The following VSIR variants were observed in gnomAD, a reference collection of about 807,000 sequenced individuals.
The protein encoded by VSIR is V-type immunoglobulin domain-containing suppressor of T-cell activation.
VSIR carries 10 observed loss-of-function variants against 31.0 expected under a neutral mutation model. The ratio of observed to expected loss-of-function variants is 0.32; its 90% CI spans 0.20 to 0.55. VSIR has a LOEUF of 0.55. Ranked by LOEUF, VSIR falls within the 20% of genes least tolerant of loss-of-function variation. The pLI is 0.93. For missense variants in VSIR, 356 were observed against 416.2 expected (o/e 0.86, Z 1.26); for synonymous variants, 179 against 180.1 (o/e 0.99, Z 0.05).
chr10:71,756,164 C>A (rs929012244), intron 3 of VSIR, among the ~76,000 whole-genome samples: 1 of 152,060 alleles, frequency 6.6e-6, no homozygotes, highest in African/African-American at 2.4e-5. Flanking sequence ...AAAAAAAGTA[C>A]AAGTTTAAAA....
At chr10:71,762,362 G>A (rs925178187) in intron 1 of VSIR, among the ~76,000 whole-genome samples, 2 of 152,224 alleles carry the variant, frequency 1.3e-5, no homozygotes, top group South Asian at 4.1e-4. Flanking sequence ...TTGGGGAGCA[G>A]GAAGGCTGTT....
chr10:71,768,038 C>T (rs977092746), intron 1 of VSIR, among the ~76,000 whole-genome samples: 1 of 152,212 alleles, frequency 6.6e-6, no homozygotes, highest in African/African-American at 2.4e-5. Context: ...GCTCCCGGCT[C>T]CAGCCAGCCA....
chr10:71,758,534 C>T (rs1021953134), intron 3 of VSIR, among the ~76,000 whole-genome samples: 1 of 152,206 alleles, frequency 6.6e-6, no homozygotes, highest in African/African-American at 2.4e-5. Flanking sequence ...CTCTGGCAAG[C>T]ACCGGGGGGC....
rs762830091 is a variant in VSIR, at chr10:71,751,641, G to A, written c.898+27C>T. 28 of 1,513,536 alleles carry A rather than the reference G, an allele frequency of 1.8e-5. No individual in the cohort carries two copies. Among genetic ancestry groups the A allele is most frequent in the East Asian group, 9.1e-5 (4 of 43,764 alleles). The allele number at this position is 1,513,536 out of a possible 1,614,324, so 93.8% of individuals were successfully genotyped here. On this transcript the variant is annotated intron_variant, in intron 6 of 6. Coordinates refer to ENST00000394957, the MANE Select transcript of VSIR (RefSeq NM_022153.2). The surrounding 1 kb of genome is among the most constrained non-coding windows in gnomAD (Gnocchi z 4.9). ...TGAGGTCATGACCTTACAGGTCATC[G>A]TGCTGTGAAGGTCAGGAAACACTTA...
intron 1 of VSIR, among the ~76,000 whole-genome samples, chr10:71,770,922 T>A (rs2132911179): frequency 6.6e-6 from 1 of 152,296 alleles, no homozygotes; most frequent in East Asian, 1.9e-4. Context: ...GCCTCAAGGC[T>A]GTTCCTCTCT....
rs148479075 is a variant in VSIR, at chr10:71,751,069, A to G, written c.*184T>C. 3.1e-3 allele frequency: 2,108 copies of G among 690,442 alleles called. 33 individuals carry two copies. The highest frequency in any genetic ancestry group is 0.021 in the South Asian group (1,001 of 47,014). 42.8% of individuals were successfully genotyped at this position (690,442 alleles called of 1,614,324 possible). A position where few individuals can be genotyped will look rare whatever the true frequency, so the allele number is the denominator to read the frequency against. On this transcript the variant is annotated 3_prime_UTR_variant, in exon 7 of 7. Transcript: ENST00000394957. This position sits in a 1 kb window ranked among gnomAD's most constrained non-coding sequence, Gnocchi z 4.9. ...CCTTGGAACAGGGGCTGAGCCGTCC[A>G]GCATCCCCATGTAGCATCCAGAGGG...
chr10:71,770,949 G>A (rs1180145224), intron 1 of VSIR, among the ~76,000 whole-genome samples: 2 of 152,200 alleles, frequency 1.3e-5, no homozygotes, highest in Non-Finnish European at 2.9e-5. Flanking sequence ...GAGCCTCTGG[G>A]CAGTGGGTTG....
chr10:71,769,701 T>C (rs892918000), intron 1 of VSIR, among the ~76,000 whole-genome samples: 1 of 152,090 alleles, frequency 6.6e-6, no homozygotes, highest in African/African-American at 2.4e-5. Flanking sequence ...AGAGGCAGGG[T>C]TTGACCCCAG....
rs771727071 is a variant in VSIR, at chr10:71,773,354, T to C, written c.82+4A>G. ...TCCCAGCGCCCCGCCTCCCCCGACC[T>C]TACCTAGGGACGCAGCCAGGAAGAG... On this transcript the variant is annotated splice_donor_region_variant and intron_variant, in intron 1 of 6. Coordinates refer to ENST00000394957, the MANE Select transcript of VSIR (RefSeq NM_022153.2). The C allele has an allele frequency of 6.2e-7, 1 of 1,605,482 alleles. No individual in the cohort carries two copies. Among genetic ancestry groups the C allele is most frequent in the Non-Finnish European group, 8.5e-7 (1 of 1,176,272 alleles).
At position 71,751,144 on chromosome 10, in the gene VSIR, G is replaced by A. The variant is rs76716780; in HGVS notation, c.*109C>T. The A allele has an allele frequency of 1.3e-3, 1,648 of 1,304,690 alleles. 16 individuals are homozygous for A. In the African/African-American group the frequency reaches 0.021, roughly 17 times the overall value. The allele number at this position is 1,304,690 out of a possible 1,614,324, so 80.8% of individuals were successfully genotyped here. ...GTCACAGTATCTGAGCCCAGAGCAG[G>A]AGGGAGGGAACCAGGGCCGAGGCCA... On this transcript the variant is annotated 3_prime_UTR_variant, in exon 7 of 7. Coordinates refer to ENST00000394957, the MANE Select transcript of VSIR (RefSeq NM_022153.2). The surrounding 1 kb of genome is among the most constrained non-coding windows in gnomAD (Gnocchi z 4.9).
chr10:71,766,510 T>C (rs1312711797), intron 1 of VSIR, among the ~76,000 whole-genome samples: 1 of 152,182 alleles, frequency 6.6e-6, no homozygotes, highest in African/African-American at 2.4e-5. Flanking sequence ...TGTGCCCTCA[T>C]TGTGTGCCCT....
At chr10:71,773,267 G>A in intron 1 of VSIR, 91 bp downstream of exon 1, 1 of 1,401,416 alleles carries the variant, frequency 7.1e-7, no homozygotes, top group Non-Finnish European at 9.8e-7. Context: ...AGGCTGAGAG[G>A]GCCCCCAGGA....
chr10:71,757,506 C>A (rs1270111142), intron 3 of VSIR: 1 of 152,432 alleles, frequency 6.6e-6, no homozygotes, highest in Non-Finnish European at 1.5e-5. Context: ...GCCACAGTTC[C>A]CCACCCCTTC....
chr10:71,755,177 G>A, intron 4 of VSIR, 182 bp downstream of exon 4: 5 of 698,470 alleles, frequency 7.2e-6, no homozygotes, highest in Non-Finnish European at 1.3e-5. Context: ...CCCCGGAAAT[G>A]GCATGCCTCC....
At chr10:71,752,204 C>T (rs778134160) in intron 5 of VSIR, 197 of 434,136 alleles carry the variant, frequency 4.5e-4, no homozygotes, top group Non-Finnish European at 8.1e-4. Context: ...TCTCTTTGGT[C>T]AATAGAGTTG....
chr10:71,760,024 TATAC>T (rs1564779656), intron 3 of VSIR, among the ~76,000 whole-genome samples: 4 of 95,080 alleles, frequency 4.2e-5, no homozygotes, highest in Admixed American at 1.1e-4. Context: ...CACACACATA[TATAC>T]ACACACACAC....
In VSIR at chr10:71,759,820, T is replaced by TACACAC. The variant is rs1289055534; in HGVS notation, c.568+1042_568+1047dup. Among the ~76,000 whole-genome samples the TACACAC allele has an allele frequency of 5.3e-3, 450 of 85,376 alleles. 50 individuals carry two copies. Among genetic ancestry groups the TACACAC allele is most frequent in the African/African-American group, 0.017 (415 of 24,474 alleles). The allele number at this position is 85,376 out of a possible 152,430, so 56.0% of individuals were successfully genotyped here. Reference sequence around the variant, plus strand: ...GAGTGAAACCGTGTTTCAGAAAATATACACACACACACACACACACACACA... The same window carrying TACACAC: ...GAGTGAAACCGTGTTTCAGAAAATATACACACACACACACACACACACACACACACA... On this transcript the variant is annotated intron_variant, in intron 3 of 6. Transcript: ENST00000394957.
At chr10:71,756,000 C>T (rs1840136373) in intron 3 of VSIR, among the ~76,000 whole-genome samples, 1 of 151,910 alleles carries the variant, frequency 6.6e-6, no homozygotes, top group Non-Finnish European at 1.5e-5. Flanking sequence ...GATAAAAAGC[C>T]CCAACTCATC....
intron 2 of VSIR, 38 bp downstream of exon 2, chr10:71,761,560 C>G: frequency 6.6e-7 from 1 of 1,520,050 alleles, no homozygotes; most frequent in Non-Finnish European, 8.8e-7. Context: ...AGGCAGCCCT[C>G]CACACACGCC....
Sources: allele counts gnomAD v4.1 joint callset (sites outside exome capture counted in the v4.1 genomes callset), GRCh38; gene constraint gnomAD v4.1.1; non-coding constraint Gnocchi (gnomAD v3.1); transcripts MANE v1.5; gene names NCBI Gene and HGNC (gene_info 2026-07-23, HGNC 2026-07-21).